Variants in KCTD1 observed in about 807,000 individuals in gnomAD.
KCTD1 encodes the protein BTB/POZ domain-containing protein KCTD1.
KCTD1 carries 24 observed loss-of-function variants against 66.0 expected under a neutral mutation model. The ratio of observed to expected loss-of-function variants is 0.36; its 90% confidence interval spans 0.26 to 0.51. KCTD1 has a LOEUF of 0.51. Ranked by LOEUF, KCTD1 falls within the 20% of genes least tolerant of loss-of-function variation. The pLI, the probability that KCTD1 is intolerant of heterozygous loss-of-function variation, is 0.95. For missense variants in KCTD1, 943 were observed against 1,205.2 expected, an observed-to-expected ratio of 0.78 and a Z score of 3.22; for synonymous variants, 511 against 517.2, an observed-to-expected ratio of 0.99 and a Z score of 0.16.
chr18:26,588,624 G>A (rs1986524222), intron 1 of KCTD1, among the ~76,000 whole-genome samples: 1 of 152,170 alleles, frequency 6.6e-6, no homozygotes, highest in Non-Finnish European at 1.5e-5. Flanking sequence ...TGTGACACCT[G>A]TCATCAGGGG....
chr18:26,601,326 T>TTAAAAAAAAA (rs1555646203), intron 1 of KCTD1, among the ~76,000 whole-genome samples: 61 of 93,240 alleles, frequency 6.5e-4, no homozygotes, highest in Non-Finnish European at 8.5e-4. Context: ...TGTTCATTGG[T>TTAAAAAAAAA]AAAAAAAAAA....
chr18:26,457,458 A>G (rs1487844847), intron 4 of KCTD1: 1 of 152,238 alleles, frequency 6.6e-6, no homozygotes, highest in Admixed American at 6.5e-5. Flanking sequence ...TAGGAGAGGA[A>G]ATCCAAAGGG....
chr18:26,590,165 C>T (rs1392093616), intron 1 of KCTD1, among the ~76,000 whole-genome samples: 1 of 152,024 alleles, frequency 6.6e-6, no homozygotes, highest in African/African-American at 2.4e-5. Flanking sequence ...CTCACTGCAA[C>T]CTCTGCCTCC....
rs148549867 is a variant in KCTD1, at chr18:26,507,066, G to A, written c.1810-5816C>T. On this transcript the variant is annotated intron_variant, in intron 1 of 4. Coordinates refer to ENST00000580059, the MANE Select transcript of KCTD1 (RefSeq NM_001142730.3). ...CTGTAATCCCAGCTACTCGGGAGGC[G>A]GAGGCAGGAGAATCGCTTGAACCTG... 9.9e-3 allele frequency among the ~76,000 whole-genome samples: 1,499 copies of A among 152,160 alleles called. 24 individuals are homozygous for A. Among genetic ancestry groups the A allele is most frequent in the African/African-American group, 0.034 (1,401 of 41,522 alleles).
chr18:26,609,972 T>C (rs1287940496), intron 1 of KCTD1, among the ~76,000 whole-genome samples: 1 of 151,780 alleles, frequency 6.6e-6, no homozygotes. Context: ...ACCCATTTCA[T>C]GAATATCTTA....
chr18:26,529,412 A>G (rs1263444242), intron 1 of KCTD1, among the ~76,000 whole-genome samples: 1 of 152,218 alleles, frequency 6.6e-6, no homozygotes, highest in African/African-American at 2.4e-5. Flanking sequence ...AAGCCCGTGA[A>G]CTTTCTTTTC....
chr18:26,508,783 G>A (rs73399590), intron 1 of KCTD1, among the ~76,000 whole-genome samples: 1 of 152,126 alleles, frequency 6.6e-6, no homozygotes, highest in African/African-American at 2.4e-5. Flanking sequence ...TTGGATATGG[G>A]AATGTTCTGA....
At chr18:26,616,973 C>T (rs1268126537) in intron 1 of KCTD1, among the ~76,000 whole-genome samples, 2 of 152,166 alleles carry the variant, frequency 1.3e-5, no homozygotes, top group African/African-American at 4.8e-5. Flanking sequence ...TTTTGTATTT[C>T]AGTAATGTGG....
intron 1 of KCTD1, among the ~76,000 whole-genome samples, chr18:26,577,606 G>A (rs1377312978): frequency 2.6e-5 from 4 of 151,928 alleles, no homozygotes; most frequent in Non-Finnish European, 5.9e-5. Context: ...AAATGCAGTG[G>A]CTCAATCGTA....
chr18:26,644,699 C>T (rs147475872), upstream of KCTD1, among the ~76,000 whole-genome samples: 243 of 150,750 alleles, frequency 1.6e-3, 2 homozygotes, highest in East Asian at 5.1e-3. Context: ...TGGAGGTTGC[C>T]GTGAGCTGAG....
Position 26,459,862 on chromosome 18 carries a change from C to G in KCTD1, c.2197G>C (p.Glu733Gln), listed in dbSNP as rs1184720352. 1 of 1,613,144 alleles carries G rather than the reference C, an allele frequency of 6.2e-7. No homozygotes were observed. Among genetic ancestry groups the G allele is most frequent in the Non-Finnish European group, 8.5e-7 (1 of 1,179,310 alleles). ...FQLQPMLLEM[E>Q]RWKQDRETGR... Reference sequence around the variant, plus strand: ...GTTTCTCTGTCCTGCTTCCATCTTTCCATCTCCAACAACATGGGCTGAAGC... The same window carrying G: ...GTTTCTCTGTCCTGCTTCCATCTTTGCATCTCCAACAACATGGGCTGAAGC... The change falls in exon 4 of 5, where the codon GAA (glutamate) becomes CAA (glutamine). Residue 733 changes from glutamate (E) to glutamine (Q), a missense_variant. This residue lies in a region of KCTD1 where 162 missense variants were observed against 232.4 expected (regional missense o/e 0.70). Transcript: ENST00000580059.
At chr18:26,502,239 C>CG (rs1982801747) in intron 1 of KCTD1, among the ~76,000 whole-genome samples, 2 of 152,122 alleles carry the variant, frequency 1.3e-5, no homozygotes, top group Admixed American at 1.3e-4. Flanking sequence ...TTAGTAGAGA[C>CG]GGGGTTTCAC....
intron 1 of KCTD1, chr18:26,565,665 G>C (rs1233853617): frequency 6.6e-6 from 1 of 151,688 alleles, no homozygotes; most frequent in Non-Finnish European, 1.5e-5. Flanking sequence ...GTGTGGGAGT[G>C]AGCCATGCTT....
intron 1 of KCTD1, among the ~76,000 whole-genome samples, chr18:26,583,228 T>C (rs1986395162): frequency 6.6e-6 from 1 of 151,578 alleles, no homozygotes; most frequent in South Asian, 2.1e-4. Context: ...ACCCTGTCTC[T>C]ACTAAAAATA....
chr18:26,560,235 G>A (rs1985814843), intron 1 of KCTD1, among the ~76,000 whole-genome samples: 1 of 151,084 alleles, frequency 6.6e-6, no homozygotes, highest in Admixed American at 6.6e-5. Context: ...CTACTTTTGT[G>A]TATGACAAAC....
chr18:26,549,019 G>A (rs1985426616), upstream of KCTD1: 1 of 985,106 alleles, frequency 1.0e-6, no homozygotes, highest in African/African-American at 1.7e-5. Flanking sequence ...ATTGCCCCCC[G>A]GAGCCGGGGG....
intron 1 of KCTD1, among the ~76,000 whole-genome samples, chr18:26,512,153 G>T (rs2059258903): frequency 6.6e-6 from 1 of 152,014 alleles, no homozygotes; most frequent in Non-Finnish European, 1.5e-5. Context: ...GCCCAGGCTG[G>T]AGTGCAGTAG....
intron 1 of KCTD1, among the ~76,000 whole-genome samples, chr18:26,557,858 C>T (rs749420688): frequency 2.0e-5 from 3 of 152,226 alleles, no homozygotes; most frequent in Non-Finnish European, 4.4e-5. Flanking sequence ...TCTGCAGCTA[C>T]CTGGTCTCCA....
At chr18:26,532,117 A>G (rs889052323) in intron 1 of KCTD1, among the ~76,000 whole-genome samples, 2 of 152,150 alleles carry the variant, frequency 1.3e-5, no homozygotes, top group African/African-American at 4.8e-5. Context: ...TGGGCTGAAT[A>G]AGGCAGGATG....
Sources: gnomAD v4.1 joint callset for allele counts (sites outside exome capture counted in the v4.1 genomes callset) on GRCh38, gnomAD v4.1.1 for gene constraint, gnomAD v4.1.1 regional missense constraint, MANE v1.5 for transcripts, NCBI Gene and HGNC (gene_info 2026-07-23, HGNC 2026-07-21) for gene names.